Variants in PLCD4 observed in about 807,000 individuals in gnomAD.
The protein encoded by PLCD4 is 1-phosphatidylinositol 4,5-bisphosphate phosphodiesterase delta-4.
A neutral mutation model predicts 90.2 loss-of-function variants in PLCD4; 63 were observed. The observed-to-expected ratio is 0.70, with a 90% CI of 0.57 to 0.86. The LOEUF (loss-of-function observed/expected upper bound fraction) is 0.86, where lower values mean the gene tolerates loss of function less well. Among genes scored for constraint, PLCD4 ranks in the 40% least tolerant of loss-of-function variants. PLCD4 has a pLI of 0.00. For synonymous variants in PLCD4, 294 were observed against 356.5 expected (o/e 0.82, Z 1.97); for missense variants, 830 against 956.3 (o/e 0.87, Z 1.74).
chr2:218,634,555 C>T lies in PLCD4; in HGVS notation c.1821C>T (p.Phe607=). The T allele has an allele frequency of 6.2e-7, 1 of 1,614,058 alleles. No homozygotes were observed. Among genetic ancestry groups the T allele is most frequent in the African/African-American group, 1.3e-5 (1 of 75,066 alleles). The change falls in exon 13 of 16, where the codon TTC becomes TTT. Residue 607 remains phenylalanine, a synonymous_variant. Coordinates refer to ENST00000450993, the MANE Select transcript of PLCD4 (RefSeq NM_032726.4). The surrounding 1 kb of genome is among the most constrained non-coding windows in gnomAD (Gnocchi z 4.0). ...GGCGYVLKPD[F]LRDIQSSFHP... is the part of the protein sequence containing the mutation. ...GTGGCTATGTGCTGAAGCCAGACTT[C>T]CTGCGTGATATCCAGAGTTCTTTCC...
chr2:218,634,560 G>T lies in PLCD4; in HGVS notation c.1826G>T (p.Arg609Leu). The change falls in exon 13 of 16, where the codon CGT becomes CTT. Residue 609 changes from arginine to leucine, a missense_variant. Arg to Leu is a moderately radical substitution (Grantham distance 102, BLOSUM62 -2). Transcript: ENST00000450993. The surrounding 1 kb of genome is among the most constrained non-coding windows in gnomAD (Gnocchi z 4.0). The part of the protein sequence containing the change: ...CGYVLKPDFL[R>L]DIQSSFHPEK... ...TATGTGCTGAAGCCAGACTTCCTGC[G>T]TGATATCCAGAGTTCTTTCCACCCT... 1 of 1,614,018 alleles carries T rather than the reference G, an allele frequency of 6.2e-7. No individual in the cohort carries two copies. The highest frequency in any genetic ancestry group is 1.1e-5 in the South Asian group (1 of 91,078).
chr2:218,634,162 T>C lies in PLCD4; in HGVS notation c.1664T>C (p.Leu555Pro). 1 of 1,612,786 alleles carries C rather than the reference T, an allele frequency of 6.2e-7. No homozygotes were observed. The highest frequency in any genetic ancestry group is 8.5e-7 in the Non-Finnish European group (1 of 1,179,410). Residue 555 changes from leucine to proline, a missense_variant, in exon 12 of 16, where the codon CTG (leucine) becomes CCG (proline). By Grantham distance (98) the Leu-to-Pro change is moderately conservative. Transcript: ENST00000450993. The surrounding 1 kb of genome is among the most constrained non-coding windows in gnomAD (Gnocchi z 4.0). ...WQLSRVYPSG[L>P]RTDSSNYNPQ... Reference sequence around the variant, plus strand: ...TTAAGCCGTGTGTATCCCAGCGGCCTGAGGACAGACTCTTCCAACTACAAC... The same window carrying C: ...TTAAGCCGTGTGTATCCCAGCGGCCCGAGGACAGACTCTTCCAACTACAAC...
At chr2:218,620,691 G>A (rs771712410) in intron 4 of PLCD4, among the ~76,000 whole-genome samples, 11 of 151,348 alleles carry the variant, frequency 7.3e-5, no homozygotes, top group Non-Finnish European at 1.3e-4. Flanking sequence ...ACTTCAGCCT[G>A]GGCAACAGAG....
At chr2:218,624,671 G>A (rs1414755894) in intron 6 of PLCD4, among the ~76,000 whole-genome samples, 1 of 140,814 alleles carries the variant, frequency 7.1e-6, no homozygotes, top group African/African-American at 2.7e-5. Flanking sequence ...AGTAAGCCGA[G>A]ATCACACCAC....
In PLCD4 at chr2:218,636,253, A is replaced by C; in HGVS notation, c.2043A>C (p.Pro681=). 2 of 1,614,054 alleles carry C rather than the reference A, an allele frequency of 1.2e-6. No individual in the cohort carries two copies. The highest frequency in any genetic ancestry group is 1.7e-6 in the Non-Finnish European group (2 of 1,179,892). ...TGTCCACCAACTCAGGTTTTAATCC[A>C]TACTGGGGGCAGACACTATGTTTCC... is the stretch of plus-strand genomic sequence containing the variant. ...TNYVENNGFN[P]YWGQTLCFRV... The change falls in exon 15 of 16, where the codon CCA becomes CCC. Residue 681 remains proline (P), a synonymous_variant. Coordinates refer to ENST00000450993, the MANE Select transcript of PLCD4 (RefSeq NM_032726.4).
intron 8 of PLCD4, among the ~76,000 whole-genome samples, chr2:218,630,286 A>G (rs1363579166): frequency 6.6e-6 from 1 of 152,206 alleles, no homozygotes; most frequent in Non-Finnish European, 1.5e-5. Context: ...CTGATGAACA[A>G]TGGGAATCTG....
rs485765 is a variant in PLCD4 at position 218,616,081 on chromosome 2, G to A, written c.181+19G>A. The A allele has an allele frequency of 8.7e-6, 14 of 1,611,022 alleles. No homozygotes were observed. The highest frequency in any genetic ancestry group is 1.1e-5 in the South Asian group (1 of 90,992). On this transcript the variant is annotated intron_variant, in intron 3 of 15. Coordinates refer to ENST00000450993, the MANE Select transcript of PLCD4 (RefSeq NM_032726.4). Reference sequence around the variant, plus strand: ...CCCAGCTGTGAGTGACCTGGATAGTGGGGGGTGGATACATGGGTGGATAGA... The same window carrying A: ...CCCAGCTGTGAGTGACCTGGATAGTAGGGGGTGGATACATGGGTGGATAGA...
At chr2:218,629,462 G>C (rs1306736625) in intron 7 of PLCD4, 57 bp from the exon 8 acceptor site, 6 of 1,592,272 alleles carry the variant, frequency 3.8e-6, no homozygotes, top group Non-Finnish European at 5.1e-6. Flanking sequence ...AGAGTCCCTA[G>C]GTAGAAGATC....
chr2:218,626,831 A>G (rs954791979), intron 6 of PLCD4, among the ~76,000 whole-genome samples: 6 of 152,188 alleles, frequency 3.9e-5, no homozygotes, highest in Non-Finnish European at 8.8e-5. Context: ...AAGAAAATAC[A>G]GGTAACTTGG....
chr2:218,625,665 G>A (rs1696083194), intron 6 of PLCD4, among the ~76,000 whole-genome samples: 1 of 152,248 alleles, frequency 6.6e-6, no homozygotes, highest in Non-Finnish European at 1.5e-5. Context: ...CGGGCACAAT[G>A]GCTCATGCCT....
chr2:218,629,137 G>C (rs983371554), intron 7 of PLCD4: 1 of 164,852 alleles, frequency 6.1e-6, no homozygotes, highest in African/African-American at 2.4e-5. Context: ...GATCGCTTAA[G>C]CCTGAGAGGT....
At chr2:218,611,061 C>T (rs1341049469) in intron 1 of PLCD4, among the ~76,000 whole-genome samples, 1 of 152,134 alleles carries the variant, frequency 6.6e-6, no homozygotes, top group Non-Finnish European at 1.5e-5. Flanking sequence ...TTCTGTCACT[C>T]ATTAAATGAC....
chr2:218,634,036 T>A lies in PLCD4; in HGVS notation c.1607-69T>A, dbSNP rs7574429. The stretch of plus-strand genomic sequence containing the variant: ...TGGAGAGAAGGGTGAAGAGTAGGCA[T>A]GGTCCTTGGGACTAGGGAAGTGGGA... On this transcript the variant is annotated intron_variant, in intron 11 of 15. Transcript: ENST00000450993. The surrounding 1 kb of genome is among the most constrained non-coding windows in gnomAD (Gnocchi z 4.0). 2 of 1,537,434 alleles carry A rather than the reference T, an allele frequency of 1.3e-6. No homozygotes were observed. Among genetic ancestry groups the A allele is most frequent in the Non-Finnish European group, 1.8e-6 (2 of 1,136,900 alleles).
At chr2:218,630,526 G>A in intron 8 of PLCD4, 124 bp from the exon 9 acceptor site, 1 of 1,113,844 alleles carries the variant, frequency 9.0e-7, no homozygotes, top group Non-Finnish European at 1.3e-6. Flanking sequence ...GGAGTTGGAA[G>A]AGTTTAGTGA....
intron 9 of PLCD4, among the ~76,000 whole-genome samples, chr2:218,631,283 G>A (rs1696348248): frequency 6.6e-6 from 1 of 152,038 alleles, no homozygotes; most frequent in Admixed American, 6.5e-5. Flanking sequence ...TCCTGCCTCA[G>A]CCTCCTGAGT....
At chr2:218,616,143 T>C in intron 3 of PLCD4, 81 bp downstream of exon 3, 1 of 1,488,766 alleles carries the variant, frequency 6.7e-7, no homozygotes, top group African/African-American at 1.4e-5. Flanking sequence ...ACCAAAGTCC[T>C]ACGATAGTGT....
At chr2:218,616,607 TTTGGGAGGCTAAG>T (rs1030426697) in intron 3 of PLCD4, among the ~76,000 whole-genome samples, 1 of 151,464 alleles carries the variant, frequency 6.6e-6, no homozygotes, top group African/African-American at 2.4e-5. Context: ...GTCTCAGCTA[TTTGGGAGGCTAAG>T]ATGGGAGGAT....
chr2:218,622,374 T>C, intron 5 of PLCD4: 1 of 268,158 alleles, frequency 3.7e-6, no homozygotes, highest in Non-Finnish European at 6.9e-6. Context: ...GAACACTAAA[T>C]GTTTAGGAGT....
At chr2:218,628,584 C>T (rs746875510) in intron 7 of PLCD4, 2 of 205,470 alleles carry the variant, frequency 9.7e-6, no homozygotes, top group Non-Finnish European at 2.0e-5. Flanking sequence ...TATATCCTAG[C>T]TCCTTCACTT....
Sources: gnomAD v4.1 joint callset for allele counts (sites outside exome capture counted in the v4.1 genomes callset) on GRCh38, gnomAD v4.1.1 for gene constraint, Gnocchi (gnomAD v3.1) non-coding constraint, MANE v1.5 for transcripts, NCBI Gene and HGNC (gene_info 2026-07-23, HGNC 2026-07-21) for gene names.